ZEB2: variants seen among roughly 807,000 people sequenced by gnomAD.
The protein encoded by ZEB2 is zinc finger E-box-binding homeobox 2.
A neutral mutation model predicts 99.9 loss-of-function variants in ZEB2; 6 were observed. That is an observed-to-expected ratio of 0.06 (90% CI 0.03 to 0.12). ZEB2 has a LOEUF of 0.12. Ranked by LOEUF, ZEB2 falls within the 10% of genes least tolerant of loss-of-function variation. ZEB2 has a pLI of 1.00. For synonymous variants in ZEB2, 517 were observed against 542.5 expected, an observed-to-expected ratio of 0.95 and a Z score of 0.65; for missense variants, 969 against 1,502.8, an observed-to-expected ratio of 0.64 and a Z score of 5.87.
chr2:144,424,804 T>C lies in ZEB2; in HGVS notation c.395A>G (p.Asn132Ser), dbSNP rs369622877. The part of the protein sequence containing the change: ...PEATIQTAIN[N>S]GTVKNANCTS... ...TGGCCAACATAACTCACCTGTACCA[T>C]TGTTAATTGCGGTCTGGATCGTGGC... is the stretch of plus-strand genomic sequence containing the variant. Residue 132 changes from asparagine to serine, a missense_variant, in exon 4 of 10, where the codon AAT becomes AGT. Asn to Ser is a conservative substitution (Grantham distance 46, BLOSUM62 1). This residue lies in a region of ZEB2 where 173 missense variants were observed against 217.7 expected (regional missense o/e 0.79). Coordinates refer to ENST00000627532, the MANE Select transcript of ZEB2 (RefSeq NM_014795.4). The C allele has an allele frequency of 1.9e-5, 30 of 1,613,940 alleles. No individual in the cohort carries two copies. In the Admixed American group the frequency reaches 2.8e-4, roughly 15 times the overall value.
chr2:144,517,135 G>T, intron 2 of ZEB2, 143 bp downstream of exon 2: 2 of 862,166 alleles, frequency 2.3e-6, no homozygotes, highest in Non-Finnish European at 3.1e-6. Context: ...GGGCTCCGGC[G>T]CCGGCCGCGG....
At chr2:144,447,888 A>G (rs1413053088) in intron 2 of ZEB2, among the ~76,000 whole-genome samples, 2 of 152,188 alleles carry the variant, frequency 1.3e-5, no homozygotes, top group Non-Finnish European at 2.9e-5. Context: ...GGATGCTTCA[A>G]TTTGAATCCA....
Position 144,389,651 on chromosome 2 carries a change from C to T in ZEB2, c.3445G>A (p.Gly1149Arg), listed in dbSNP as rs762628069. The T allele has an allele frequency of 9.3e-6, 15 of 1,614,026 alleles. No homozygotes were observed. In the South Asian group the frequency reaches 1.5e-4, roughly 17 times the overall value. Residue 1149 changes from glycine (G) to arginine (R), a missense_variant, in exon 10 of 10, where the codon GGG (glycine) becomes AGG (arginine). Physicochemically the swap from Gly to Arg is moderately radical, Grantham distance 125. Coordinates refer to ENST00000627532, the MANE Select transcript of ZEB2 (RefSeq NM_014795.4). The surrounding 1 kb of genome is among the most constrained non-coding windows in gnomAD (Gnocchi z 6.8). ...EHEKEGEDGY[G>R]KLGRQDGDEE... ...TCGCCATCCTGTCTGCCCAGCTTCC[C>T]GTAGCCATCCTCGCCTTCTTTCTCG...
intron 2 of ZEB2, among the ~76,000 whole-genome samples, chr2:144,516,930 G>C (rs1055327536): frequency 1.3e-5 from 2 of 151,348 alleles, no homozygotes; most frequent in African/African-American, 2.4e-5. Flanking sequence ...AAGCCCGGCC[G>C]GAGACCCGGC....
At chr2:144,419,156 C>T (rs1262694967) in intron 4 of ZEB2, among the ~76,000 whole-genome samples, 1 of 152,110 alleles carries the variant, frequency 6.6e-6, no homozygotes, top group Middle Eastern at 3.2e-3. Flanking sequence ...AGATAAAATT[C>T]AAGTGTAGGT....
intron 3 of ZEB2, chr2:144,429,352 A>G: frequency 4.8e-6 from 1 of 208,746 alleles, no homozygotes; most frequent in Non-Finnish European, 9.9e-6. Flanking sequence ...ACTGACAGTT[A>G]TTTGGTTTGA....
chr2:144,407,130 G>A (rs571491911), intron 4 of ZEB2, among the ~76,000 whole-genome samples: 3 of 152,182 alleles, frequency 2.0e-5, no homozygotes, highest in Non-Finnish European at 2.9e-5. Flanking sequence ...ATAAAAGGAA[G>A]TGGGAGAATT....
intron 2 of ZEB2, among the ~76,000 whole-genome samples, chr2:144,479,516 G>A (rs369801331): frequency 9.2e-5 from 14 of 152,074 alleles, no homozygotes; most frequent in African/African-American, 2.9e-4. Context: ...ACTGCAATCC[G>A]CAGCACCTAA....
At position 144,398,835 on chromosome 2, in the gene ZEB2, A is replaced by G. The variant is rs201990887; in HGVS notation, c.2352T>C (p.Ser784=). The change falls in exon 8 of 10, where the codon TCT becomes TCC. Residue 784 remains serine, a synonymous_variant. Transcript: ENST00000627532. ...AAGATGTGGAGGAAAGATTTAAGGG[A>G]GAAGGAGTATTACTCCTGGAGTGGT... ...KLDHSRSNTP[S]PLNLSSTSSK... 5.6e-6 allele frequency: 9 copies of G among 1,614,174 alleles called. No homozygotes were observed. The highest frequency in any genetic ancestry group is 2.2e-5 in the East Asian group (1 of 44,880).
At chr2:144,504,112 C>T (rs1255303628) in intron 2 of ZEB2, 1 of 144,016 alleles carries the variant, frequency 6.9e-6, no homozygotes, top group African/African-American at 2.5e-5. Flanking sequence ...AAAAACAAAC[C>T]ACCTTAATTT....
chr2:144,408,867 T>C (rs1280906519), intron 4 of ZEB2, among the ~76,000 whole-genome samples: 4 of 152,158 alleles, frequency 2.6e-5, no homozygotes, highest in Non-Finnish European at 5.9e-5. Flanking sequence ...GGGTAGCCAA[T>C]AGATCCAATT....
At chr2:144,476,489 T>C (rs551810731) in intron 2 of ZEB2, among the ~76,000 whole-genome samples, 1 of 152,270 alleles carries the variant, frequency 6.6e-6, no homozygotes, top group South Asian at 2.1e-4. Context: ...GGTGGAAAGG[T>C]AGAATGCTCT....
chr2:144,513,781 C>T (rs1173538677), intron 2 of ZEB2: 1 of 1,536,108 alleles, frequency 6.5e-7, no homozygotes, highest in South Asian at 1.2e-5. Context: ...TCCGAGTGCT[C>T]ATTTCTGACT....
At chr2:144,447,603 A>C (rs1218151692) in intron 2 of ZEB2, among the ~76,000 whole-genome samples, 1 of 152,212 alleles carries the variant, frequency 6.6e-6, no homozygotes, top group East Asian at 1.9e-4. Flanking sequence ...TTAAAGATAA[A>C]TTAATGAGCC....
At chr2:144,457,216 T>C (rs569427965) in intron 2 of ZEB2, among the ~76,000 whole-genome samples, 1 of 152,184 alleles carries the variant, frequency 6.6e-6, no homozygotes, top group Admixed American at 6.5e-5. Context: ...AGCCCGTTAA[T>C]AGACATTTTT....
At chr2:144,482,554 T>A (rs1008776311) in intron 2 of ZEB2, among the ~76,000 whole-genome samples, 1 of 152,234 alleles carries the variant, frequency 6.6e-6, no homozygotes, top group African/African-American at 2.4e-5. Flanking sequence ...TCCCTTTCAA[T>A]GTTTCACATT....
chr2:144,515,201 C>CAAA lies in ZEB2; in HGVS notation c.73+2074_73+2076dup, dbSNP rs35140204. ...TTTAAATCTCATTCTCTTTTTCTCT[C>CAAA]AAAAAAAAAAAATGACTGTTTAACA... is the stretch of plus-strand genomic sequence containing the variant. On this transcript the variant is annotated intron_variant, in intron 2 of 9. Transcript: ENST00000627532. Among the ~76,000 whole-genome samples, 93 of 144,244 alleles carry CAAA rather than the reference C, an allele frequency of 6.4e-4. 1 individual carries two copies. The highest frequency in any genetic ancestry group is 2.2e-3 in the Admixed American group (32 of 14,440). The allele number at this position is 144,244 out of a possible 152,430, so 94.6% of individuals were successfully genotyped here. A position where few individuals can be genotyped will look rare whatever the true frequency, so the allele number is the denominator to read the frequency against.
intron 9 of ZEB2, among the ~76,000 whole-genome samples, chr2:144,392,564 A>G (rs1478967649): frequency 6.6e-6 from 1 of 152,264 alleles, no homozygotes; most frequent in Non-Finnish European, 1.5e-5. Flanking sequence ...TTCAGTTATG[A>G]TACCATGCAA....
chr2:144,438,134 T>C (rs1399511464), intron 2 of ZEB2, among the ~76,000 whole-genome samples: 1 of 152,202 alleles, frequency 6.6e-6, no homozygotes, highest in Non-Finnish European at 1.5e-5. Flanking sequence ...CATGCTTCCA[T>C]GAAAAAGGAG....
Sources: allele counts gnomAD v4.1 joint callset (sites outside exome capture counted in the v4.1 genomes callset), GRCh38; gene constraint gnomAD v4.1.1; regional missense constraint gnomAD v4.1.1; non-coding constraint Gnocchi (gnomAD v3.1); transcripts MANE v1.5; gene names NCBI Gene and HGNC (gene_info 2026-07-23, HGNC 2026-07-21).